The following TRPM6 variants were observed in gnomAD, a reference collection of about 807,000 sequenced individuals.
TRPM6 encodes transient receptor potential cation channel subfamily M member 6.
Under a neutral mutation model 247.6 loss-of-function variants are expected in TRPM6, and 111 were observed. That is an observed-to-expected ratio of 0.45 (90% CI 0.38 to 0.52). The LOEUF (loss-of-function observed/expected upper bound fraction) is 0.52. Ranked by LOEUF, TRPM6 falls within the 20% of genes least tolerant of loss-of-function variation. The pLI, the probability that TRPM6 is intolerant of heterozygous loss-of-function variation, is 0.00. For missense variants in TRPM6, 2,126 were observed against 2,421.5 expected (o/e 0.88, Z 2.56); for synonymous variants, 892 against 853.8 (o/e 1.04, Z -0.78).
Position 74,782,413 on chromosome 9 carries a change from T to C in TRPM6, c.3158A>G (p.Tyr1053Cys). ...SFLTPFLQAV[Y>C]LFVQYIIMVN... is the part of the protein sequence containing the mutation. ...CATGATGATATATTGCACGAAGAGG[T>C]AGACAGCTTGCAAGAATGGAGTAAG... is the stretch of plus-strand genomic sequence containing the variant. The change falls in exon 23 of 39, where the codon TAC becomes TGC. Residue 1053 changes from tyrosine (Y) to cysteine (C), a missense_variant. Physicochemically the swap from Tyr to Cys is radical, Grantham distance 194. Transcript: ENST00000360774. 1 of 1,613,930 alleles carries C rather than the reference T, an allele frequency of 6.2e-7. No homozygotes were observed.
chr9:74,852,636 C>A (rs935657651), intron 3 of TRPM6, among the ~76,000 whole-genome samples: 1 of 151,174 alleles, frequency 6.6e-6, no homozygotes, highest in Non-Finnish European at 1.5e-5. Context: ...GGATTGCAGG[C>A]GCGCGCCGCC....
chr9:74,862,597 T>A (rs1424329348), intron 1 of TRPM6, among the ~76,000 whole-genome samples: 1 of 152,174 alleles, frequency 6.6e-6, no homozygotes, highest in Admixed American at 6.5e-5. Flanking sequence ...TGGGGAGGGA[T>A]CCAAGTCTGA....
intron 3 of TRPM6, among the ~76,000 whole-genome samples, chr9:74,851,463 A>G (rs1266939162): frequency 6.6e-6 from 1 of 152,122 alleles, no homozygotes; most frequent in Non-Finnish European, 1.5e-5. Context: ...TTTATATTAA[A>G]TCAGCTGGGC....
In TRPM6 at chr9:74,771,690, T is replaced by G. The variant is rs1554694147; in HGVS notation, c.3536+13A>C. ...TTAGTGGTTTCAGAATGGAAAAGAT[T>G]TATATCTTTTACCTTTCTGATGTCA... On this transcript the variant is annotated intron_variant, in intron 25 of 38. Coordinates refer to ENST00000360774, the MANE Select transcript of TRPM6 (RefSeq NM_017662.5). 8.1e-6 allele frequency: 13 copies of G among 1,612,064 alleles called. No homozygotes were observed. The highest frequency in any genetic ancestry group is 1.1e-5 in the Non-Finnish European group (13 of 1,178,890).
In TRPM6 at chr9:74,762,674, G is replaced by C. The variant is rs1420449999; in HGVS notation, c.3997C>G (p.Pro1333Ala). 2 of 1,614,116 alleles carry C rather than the reference G, an allele frequency of 1.2e-6. No individual in the cohort carries two copies. The highest frequency in any genetic ancestry group is 8.5e-7 in the Non-Finnish European group (1 of 1,180,016). Residue 1333 changes from proline (P) to alanine (A), a missense_variant, in exon 26 of 39, where the codon CCT (proline) becomes GCT (alanine). By Grantham distance (27) the Pro-to-Ala change is conservative (BLOSUM62 -1). Around this residue, in one of 3 missense-constraint regions of TRPM6, gnomAD observed 717 missense variants for 715.9 expected, o/e 1.00. Transcript: ENST00000360774. ...TACTTTGAGTGTGCTTGCCTGTTAG[G>C]AGACACCCCAGAAACCACTATACTA... The part of the protein sequence containing the change: ...QSSIVVSGVS[P>A]NRQAHSKYGQ...
At chr9:74,779,540 T>TTA (rs2118910112) in intron 23 of TRPM6, among the ~76,000 whole-genome samples, 1 of 152,320 alleles carries the variant, frequency 6.6e-6, no homozygotes, top group East Asian at 1.9e-4. Flanking sequence ...CTTGTTATAT[T>TTA]TTCCTCTTCA....
In TRPM6 at chr9:74,771,825, G is replaced by T. The variant is rs934962295; in HGVS notation, c.3414C>A (p.Leu1138=). 3 of 1,613,504 alleles carry T rather than the reference G, an allele frequency of 1.9e-6. No homozygotes were observed. In the African/African-American group the frequency reaches 4.0e-5, roughly 22 times the overall value. The part of the protein sequence containing the change: ...EEGDVGLKLY[L]SKEDLKKLHD... ...GAAGTTTTTTCAGATCCTCCTTACTGAGGTAGAGTTCTATAGAAATAAGTA... is the reference window on the plus strand; with the variant it reads ...GAAGTTTTTTCAGATCCTCCTTACTTAGGTAGAGTTCTATAGAAATAAGTA... The change falls in exon 25 of 39, where the codon CTC becomes CTA. Residue 1138 remains leucine (L), a synonymous_variant. Transcript: ENST00000360774.
rs1189813651 is a variant in TRPM6, at chr9:74,839,343, G to A, written c.544+681C>T. On this transcript the variant is annotated intron_variant, in intron 5 of 38. Coordinates refer to ENST00000360774, the MANE Select transcript of TRPM6 (RefSeq NM_017662.5). Reference sequence around the variant, plus strand: ...ACTGAAGCAAAGAAATAAGGTCAGAGCCCCCCATATACAATTCTGGAATTT... The same window carrying A: ...ACTGAAGCAAAGAAATAAGGTCAGAACCCCCCATATACAATTCTGGAATTT... 3.9e-5 allele frequency among the ~76,000 whole-genome samples: 6 copies of A among 152,198 alleles called. No individual in the cohort carries two copies. The East Asian group carries it at 7.7e-4, about 20-fold the overall frequency.
chr9:74,797,985 C>T (rs2118991572), intron 17 of TRPM6, among the ~76,000 whole-genome samples: 1 of 152,278 alleles, frequency 6.6e-6, no homozygotes, highest in South Asian at 2.1e-4. Flanking sequence ...GGGTATAGAT[C>T]CAGACATCCA....
Position 74,874,858 on chromosome 9 carries a change from T to G in TRPM6, c.33+12966A>C, listed in dbSNP as rs969023744. Among the ~76,000 whole-genome samples, 16 of 151,674 alleles carry G rather than the reference T, an allele frequency of 1.1e-4. No homozygotes were observed. The East Asian group carries it at 3.1e-3, about 30-fold the overall frequency. On this transcript the variant is annotated intron_variant, in intron 1 of 38. Coordinates refer to ENST00000360774, the MANE Select transcript of TRPM6 (RefSeq NM_017662.5). ...GCAACCTCCACCTCCCGAGTTCAAG[T>G]GATTCTCCTGCCTCAGCCTCCACAG...
Position 74,732,813 on chromosome 9 carries a change from T to A in TRPM6, c.5777-77A>T. On this transcript the variant is annotated intron_variant, in intron 36 of 38. Transcript: ENST00000360774. ...GAAATTCAAGAAAATAATAATTAAA[T>A]TCTAATTTCTTAATTTAAAACTCAC... is the stretch of plus-strand genomic sequence containing the variant. 3.6e-6 allele frequency: 4 copies of A among 1,107,448 alleles called. No individual in the cohort carries two copies. The East Asian group carries it at 1.0e-4, about 29-fold the overall frequency. The allele number at this position is 1,107,448 out of a possible 1,614,324, so 68.6% of individuals were successfully genotyped here. A position where few individuals can be genotyped will look rare whatever the true frequency, so the allele number is the denominator to read the frequency against.
chr9:74,773,403 C>A (rs1036471985), intron 24 of TRPM6, among the ~76,000 whole-genome samples: 2 of 152,154 alleles, frequency 1.3e-5, no homozygotes, highest in African/African-American at 4.8e-5. Flanking sequence ...GTTATTATTA[C>A]CATTCAATGG....
At chr9:74,730,337 G>C (rs764589233) in intron 37 of TRPM6, among the ~76,000 whole-genome samples, 27 of 152,124 alleles carry the variant, frequency 1.8e-4, no homozygotes, top group Non-Finnish European at 3.5e-4. Context: ...AGAAGGTTAG[G>C]GAAAGTTAAG....
chr9:74,786,021 G>A lies in TRPM6; in HGVS notation c.2772C>T (p.Gly924=). 1 of 1,614,206 alleles carries A rather than the reference G, an allele frequency of 6.2e-7. No homozygotes were observed. The highest frequency in any genetic ancestry group is 1.3e-5 in the African/African-American group (1 of 75,046). Residue 924 remains glycine (G), a synonymous_variant, in exon 21 of 39, where the codon GGC becomes GGT. Transcript: ENST00000360774. ...ETVAIGLFSA[G]FVLRWGDPPF... ...GAGGGTCACCCCATCGAAGGACGAA[G>A]CCAGCTGAAAACAGGCCAATGGCCA...
chr9:74,804,640 T>A, intron 14 of TRPM6: 1 of 748,212 alleles, frequency 1.3e-6, no homozygotes, highest in East Asian at 2.5e-5. Flanking sequence ...TCTGAAGGCA[T>A]GAAGGTGTCC....
intron 16 of TRPM6, among the ~76,000 whole-genome samples, chr9:74,801,185 A>G (rs886756701): frequency 8.1e-6 from 1 of 122,788 alleles, no homozygotes; most frequent in Non-Finnish European, 1.7e-5. Flanking sequence ...CAATCCTCCC[A>G]CCTTGGTGTC....
At chr9:74,745,597 G>A (rs1157197517) in intron 31 of TRPM6, among the ~76,000 whole-genome samples, 1 of 152,110 alleles carries the variant, frequency 6.6e-6, no homozygotes, top group African/African-American at 2.4e-5. Context: ...AGAGTTGAAG[G>A]AAGAGAGGGG....
intron 5 of TRPM6, among the ~76,000 whole-genome samples, chr9:74,837,762 T>C (rs1212649700): frequency 1.3e-5 from 2 of 151,044 alleles, no homozygotes; most frequent in African/African-American, 2.4e-5. Context: ...TTTTTTTTTT[T>C]TTTTTTAAGA....
chr9:74,879,326 TTTATATAC>T (rs1402425133), intron 1 of TRPM6, among the ~76,000 whole-genome samples: 1 of 150,026 alleles, frequency 6.7e-6, no homozygotes, highest in Non-Finnish European at 1.5e-5. Context: ...ATATATATGA[TTTATATAC>T]ATATATACAT....
Sources: gnomAD v4.1 joint callset for allele counts (sites outside exome capture counted in the v4.1 genomes callset) on GRCh38, gnomAD v4.1.1 for gene constraint, gnomAD v4.1.1 regional missense constraint, MANE v1.5 for transcripts, NCBI Gene and HGNC (gene_info 2026-07-23, HGNC 2026-07-21) for gene names.